Variants in NFIX observed in about 807,000 individuals in gnomAD.
NFIX encodes the protein nuclear factor 1 X-type.
A neutral mutation model predicts 53.3 loss-of-function variants in NFIX; 2 were observed. The observed-to-expected ratio is 0.04, with a 90% CI of 0.02 to 0.12. The LOEUF is 0.12. Among genes scored for constraint, NFIX ranks in the 10% least tolerant of loss-of-function variants. The pLI, the probability that NFIX is intolerant of heterozygous loss-of-function variation, is 1.00. For missense variants in NFIX, 310 were observed against 674.5 expected (o/e 0.46, Z 5.99); for synonymous variants, 244 against 289.0 (o/e 0.84, Z 1.58).
intron 2 of NFIX, among the ~76,000 whole-genome samples, chr19:13,044,912 G>A (rs958284201): frequency 7.2e-5 from 11 of 152,150 alleles, no homozygotes; most frequent in Non-Finnish European, 1.3e-4. Context: ...AACCCTTCCC[G>A]GGGGCTAAGG....
At position 13,014,624 on chromosome 19, in the gene NFIX, A is replaced by G. The variant is rs559609792; in HGVS notation, c.28-10397A>G. 3 of 152,396 alleles carry G rather than the reference A, an allele frequency of 2.0e-5. No individual in the cohort carries two copies. The highest frequency in any genetic ancestry group is 7.2e-5 in the African/African-American group (3 of 41,592). 9.4% of individuals were successfully genotyped at this position (152,396 alleles called of 1,614,324 possible). ...CTTTCCAGCCCCATATGCAATAGGAAGAGAAAATGCAGTCTTGGAGAGCCC... is the reference window on the plus strand; with the variant it reads ...CTTTCCAGCCCCATATGCAATAGGAGGAGAAAATGCAGTCTTGGAGAGCCC... On this transcript the variant is annotated intron_variant, in intron 1 of 10. Coordinates refer to ENST00000592199, the MANE Select transcript of NFIX (RefSeq NM_001365902.3). This position sits in a 1 kb window ranked among gnomAD's most constrained non-coding sequence, Gnocchi z 4.4.
At position 13,088,631 on chromosome 19, in the gene NFIX, G is replaced by A. The variant is rs2017944901; in HGVS notation, c.1402+495G>A. ...GCCTTGCCCCTCACCTCCATCCCTG[G>A]GCCCTTGGGCCTCAAAGACGCAGCA... On this transcript the variant is annotated intron_variant, in intron 9 of 10. Transcript: ENST00000592199. The surrounding 1 kb of genome is among the most constrained non-coding windows in gnomAD (Gnocchi z 5.9). Among the ~76,000 whole-genome samples, 1 of 151,280 alleles carries A rather than the reference G, an allele frequency of 6.6e-6. No individual in the cohort carries two copies. Among genetic ancestry groups the A allele is most frequent in the Admixed American group, 6.6e-5 (1 of 15,190 alleles).
intron 2 of NFIX, among the ~76,000 whole-genome samples, chr19:13,062,489 CAG>C (rs762474046): frequency 6.6e-6 from 1 of 152,188 alleles, no homozygotes; most frequent in Non-Finnish European, 1.5e-5. Flanking sequence ...ACAAAACCAA[CAG>C]AGAGGGCTTG....
At chr19:13,026,446 C>T (rs1267050035) in intron 2 of NFIX, among the ~76,000 whole-genome samples, 5 of 151,464 alleles carry the variant, frequency 3.3e-5, no homozygotes, top group African/African-American at 4.8e-5. Context: ...TGCTTCTCTT[C>T]GCTTTTCCAG....
At position 12,996,327 on chromosome 19, in the gene NFIX, C is replaced by G. The variant is rs1158869840; in HGVS notation, c.27+463C>G. ...GGCGCAGAGGGGACACTGGGTCCCG[C>G]GACGCTTCCTGGGGAGGGCGCAGCG... On this transcript the variant is annotated intron_variant, in intron 1 of 10. Coordinates refer to ENST00000592199, the MANE Select transcript of NFIX (RefSeq NM_001365902.3). The surrounding 1 kb of genome is among the most constrained non-coding windows in gnomAD (Gnocchi z 5.2). 6.6e-6 allele frequency among the ~76,000 whole-genome samples: 1 copy of G among 151,902 alleles called. No homozygotes were observed. The highest frequency in any genetic ancestry group is 1.9e-4 in the East Asian group (1 of 5,140).
At chr19:13,048,595 C>T (rs1156917565) in intron 2 of NFIX, among the ~76,000 whole-genome samples, 3 of 152,108 alleles carry the variant, frequency 2.0e-5, no homozygotes, top group Non-Finnish European at 4.4e-5. Flanking sequence ...CATGGTGGCT[C>T]ATGCCTGTAA....
At chr19:13,019,579 G>T (rs913499427) in intron 1 of NFIX, among the ~76,000 whole-genome samples, 8 of 150,014 alleles carry the variant, frequency 5.3e-5, no homozygotes, top group Non-Finnish European at 1.0e-4. Context: ...CTCTTTTTTC[G>T]TTCTCCTTCT....
At chr19:13,077,372 T>C (rs954888357) in intron 6 of NFIX, among the ~76,000 whole-genome samples, 8 of 152,130 alleles carry the variant, frequency 5.3e-5, no homozygotes, top group African/African-American at 1.7e-4. Context: ...CTCACCCCGC[T>C]GTGTGTTGTT....
chr19:13,094,640 G>A lies in NFIX; in HGVS notation c.1500G>A (p.Trp500Ter). 6.5e-7 allele frequency: 1 copy of A among 1,536,238 alleles called. No individual in the cohort carries two copies. The highest frequency in any genetic ancestry group is 8.7e-7 in the Non-Finnish European group (1 of 1,146,884). ...TCTTTTTCATCCTGTTTCAGTCCTG[G>A]TTCCTCTGATAAGATCGACAAAAGA... ...FLNIPQQSQS[W>*]FL Residue 500 changes from tryptophan (W) to a stop codon, truncating the protein, a stop_gained, in exon 11 of 11, where the codon TGG becomes TGA. Coordinates refer to ENST00000592199, the MANE Select transcript of NFIX (RefSeq NM_001365902.3). LOFTEE classifies it high-confidence loss of function. The surrounding 1 kb of genome is among the most constrained non-coding windows in gnomAD (Gnocchi z 4.3).
chr19:13,041,793 CAAA>C (rs755429201), intron 2 of NFIX, among the ~76,000 whole-genome samples: 8 of 103,282 alleles, frequency 7.7e-5, no homozygotes, highest in Admixed American at 1.1e-4. Flanking sequence ...GACTCCGTCT[CAAA>C]AAAAAAAAAA....
At position 12,996,053 on chromosome 19, in the gene NFIX, T is replaced by A. The variant is rs2011454693; in HGVS notation, c.27+189T>A. ...GGGCGTCACCGTGCGCGTGCGACCC[T>A]GGCCACCGGGCGGACTCCTTTTGGG... is the stretch of plus-strand genomic sequence containing the variant. On this transcript the variant is annotated intron_variant, in intron 1 of 10. Coordinates refer to ENST00000592199, the MANE Select transcript of NFIX (RefSeq NM_001365902.3). The surrounding 1 kb of genome is among the most constrained non-coding windows in gnomAD (Gnocchi z 5.2). Among the ~76,000 whole-genome samples, 1 of 151,136 alleles carries A rather than the reference T, an allele frequency of 6.6e-6. No individual in the cohort carries two copies. Among genetic ancestry groups the A allele is most frequent in the East Asian group, 2.0e-4 (1 of 5,048 alleles).
intron 2 of NFIX, among the ~76,000 whole-genome samples, chr19:13,035,978 A>G (rs1367690268): frequency 6.6e-6 from 1 of 152,214 alleles, no homozygotes; most frequent in Non-Finnish European, 1.5e-5. Flanking sequence ...AGGAGTGACC[A>G]ACAGGGCATG....
At chr19:13,080,754 A>C (rs1257384329) in intron 7 of NFIX, among the ~76,000 whole-genome samples, 2 of 152,114 alleles carry the variant, frequency 1.3e-5, no homozygotes, top group African/African-American at 4.8e-5. Context: ...TAATCCCAGC[A>C]CTTTGGGAGG....
intron 1 of NFIX, among the ~76,000 whole-genome samples, chr19:13,016,196 C>T (rs1307279471): frequency 6.6e-6 from 1 of 152,120 alleles, no homozygotes; most frequent in Non-Finnish European, 1.5e-5. Flanking sequence ...AAAGAAAAAC[C>T]TGTGCATTAC....
At position 12,995,641 on chromosome 19, in the gene NFIX, C is replaced by T. The variant is rs1389413430; in HGVS notation, c.-197C>T. 7.0e-6 allele frequency: 1 copy of T among 143,672 alleles called. No individual in the cohort carries two copies. Among genetic ancestry groups the T allele is most frequent in the Non-Finnish European group, 1.5e-5 (1 of 64,996 alleles). The allele number at this position is 143,672 out of a possible 1,614,324, so 8.9% of individuals were successfully genotyped here. The stretch of plus-strand genomic sequence containing the variant: ...GGCGGCGGCGGCGGCAGCGGCGGCC[C>T]CGGAGCCGGCGGGGCCGAGCTTGCG... On this transcript the variant is annotated 5_prime_UTR_variant, in exon 1 of 11. Transcript: ENST00000592199.
At position 13,014,377 on chromosome 19, in the gene NFIX, A is replaced by C. The variant is rs990072752; in HGVS notation, c.28-10644A>C. On this transcript the variant is annotated intron_variant, in intron 1 of 10. Coordinates refer to ENST00000592199, the MANE Select transcript of NFIX (RefSeq NM_001365902.3). The surrounding 1 kb of genome is among the most constrained non-coding windows in gnomAD (Gnocchi z 4.4). ...TTTGCGCTAGAGCCGTTTAAAAAAG[A>C]AAGAAAGGAAGAAAGGAGCCGGGCT... 1 of 152,168 alleles carries C rather than the reference A, an allele frequency of 6.6e-6. No individual in the cohort carries two copies. The highest frequency in any genetic ancestry group is 1.5e-5 in the Non-Finnish European group (1 of 68,026). 9.4% of individuals were successfully genotyped at this position (152,168 alleles called of 1,614,324 possible).
chr19:13,006,240 G>A lies in NFIX; in HGVS notation c.27+10376G>A, dbSNP rs563405672. 1.3e-5 allele frequency among the ~76,000 whole-genome samples: 2 copies of A among 152,310 alleles called. No homozygotes were observed. The highest frequency in any genetic ancestry group is 4.8e-5 in the African/African-American group (2 of 41,560). Reference sequence around the variant, plus strand: ...GGGCACGGAGACCTCATGGTGAGATGATGATTTTGAACGCTGCCTTGCTAT... The same window carrying A: ...GGGCACGGAGACCTCATGGTGAGATAATGATTTTGAACGCTGCCTTGCTAT... On this transcript the variant is annotated intron_variant, in intron 1 of 10. Transcript: ENST00000592199. The surrounding 1 kb of genome is among the most constrained non-coding windows in gnomAD (Gnocchi z 5.6).
At chr19:13,038,466 T>C (rs1030420758) in intron 2 of NFIX, among the ~76,000 whole-genome samples, 1 of 152,182 alleles carries the variant, frequency 6.6e-6, no homozygotes, top group African/African-American at 2.4e-5. Context: ...GGCTGGACTC[T>C]GCCACCCAAA....
intron 10 of NFIX, among the ~76,000 whole-genome samples, chr19:13,091,451 A>C (rs1477775639): frequency 2.0e-5 from 3 of 148,946 alleles, no homozygotes; most frequent in Admixed American, 2.0e-4. Context: ...TTCAAACTTC[A>C]GAGCTCCCTA....
Sources: allele counts gnomAD v4.1 joint callset (sites outside exome capture counted in the v4.1 genomes callset), GRCh38; gene constraint gnomAD v4.1.1; non-coding constraint Gnocchi (gnomAD v3.1); transcripts MANE v1.5; gene names NCBI Gene and HGNC (gene_info 2026-07-23, HGNC 2026-07-21).